The following EPHA6 variants were observed in gnomAD, a reference collection of about 807,000 sequenced individuals.
The protein encoded by EPHA6 is ephrin type-A receptor 6.
Under a neutral mutation model 112.0 loss-of-function variants are expected in EPHA6, and 50 were observed. That is an observed-to-expected ratio of 0.45 (90% CI 0.36 to 0.56). The LOEUF is 0.56. Ranked by LOEUF, EPHA6 falls within the 20% of genes least tolerant of loss-of-function variation. The pLI, the probability that EPHA6 is intolerant of heterozygous loss-of-function variation, is 0.00. For synonymous variants in EPHA6, 529 were observed against 490.7 expected (o/e 1.08, Z -1.03); for missense variants, 1,280 against 1,417.4 (o/e 0.90, Z 1.56).
At chr3:96,882,631 A>T (rs569320343) in intron 2 of EPHA6, among the ~76,000 whole-genome samples, 1 of 151,956 alleles carries the variant, frequency 6.6e-6, no homozygotes, top group Non-Finnish European at 1.5e-5. Context: ...CCATTCCTGC[A>T]TTACTTCACT....
intron 3 of EPHA6, among the ~76,000 whole-genome samples, chr3:97,052,215 T>C (rs2045705659): frequency 6.6e-6 from 1 of 152,076 alleles, no homozygotes; most frequent in Non-Finnish European, 1.5e-5. Context: ...TATACTCTAT[T>C]TCCCCCATGC....
At chr3:97,050,060 CAG>C (rs1169254469) in intron 3 of EPHA6, among the ~76,000 whole-genome samples, 1 of 152,146 alleles carries the variant, frequency 6.6e-6, no homozygotes, top group Non-Finnish European at 1.5e-5. Context: ...AGCTATCAGA[CAG>C]AAGACAAGTT....
intron 11 of EPHA6, among the ~76,000 whole-genome samples, chr3:97,548,822 A>T (rs2092992559): frequency 6.6e-6 from 1 of 152,242 alleles, no homozygotes; most frequent in African/African-American, 2.4e-5. Flanking sequence ...AAACAATCAC[A>T]TACAGGTTTT....
At chr3:97,092,289 A>C (rs1045697210) in intron 3 of EPHA6, among the ~76,000 whole-genome samples, 2 of 151,928 alleles carry the variant, frequency 1.3e-5, no homozygotes, top group Non-Finnish European at 2.9e-5. Context: ...AGCAATGGGG[A>C]TATCATAGAG....
At chr3:97,005,263 C>T (rs890061734) in intron 3 of EPHA6, among the ~76,000 whole-genome samples, 1 of 151,932 alleles carries the variant, frequency 6.6e-6, no homozygotes, top group Non-Finnish European at 1.5e-5. Flanking sequence ...GAATGTTTTC[C>T]CATTTGTTTA....
At chr3:96,941,593 C>G (rs1323921939) in intron 2 of EPHA6, among the ~76,000 whole-genome samples, 3 of 152,244 alleles carry the variant, frequency 2.0e-5, no homozygotes, top group East Asian at 3.8e-4. Flanking sequence ...CTTCTTCTCT[C>G]AACTCGTCAA....
At chr3:97,517,084 C>T (rs887607539) in intron 10 of EPHA6, among the ~76,000 whole-genome samples, 1 of 151,974 alleles carries the variant, frequency 6.6e-6, no homozygotes, top group Non-Finnish European at 1.5e-5. Context: ...ATGATGGGAT[C>T]GGCGGAAGTG....
intron 3 of EPHA6, among the ~76,000 whole-genome samples, chr3:97,125,533 A>T (rs1469822080): frequency 6.6e-6 from 1 of 152,182 alleles, no homozygotes; most frequent in Non-Finnish European, 1.5e-5. Flanking sequence ...TTGAGAGGAA[A>T]CATGGAGCTG....
intron 14 of EPHA6, among the ~76,000 whole-genome samples, chr3:97,695,891 C>T (rs1313508681): frequency 6.6e-6 from 1 of 152,188 alleles, no homozygotes; most frequent in Non-Finnish European, 1.5e-5. Context: ...CTGAACCAAA[C>T]CAGACATATC....
At chr3:97,498,572 G>C (rs1373138502) in intron 10 of EPHA6, among the ~76,000 whole-genome samples, 1 of 152,142 alleles carries the variant, frequency 6.6e-6, no homozygotes, top group Non-Finnish European at 1.5e-5. Flanking sequence ...TCTTATATTT[G>C]ATGTATTGGC....
chr3:96,974,137 TA>T (rs1464822033), intron 2 of EPHA6, among the ~76,000 whole-genome samples: 1 of 146,776 alleles, frequency 6.8e-6, no homozygotes, highest in Non-Finnish European at 1.5e-5. Context: ...TTATTATACT[TA>T]TAATTATAAA....
intron 14 of EPHA6, among the ~76,000 whole-genome samples, chr3:97,658,170 G>T (rs112684887): frequency 6.6e-5 from 10 of 151,900 alleles, no homozygotes; most frequent in African/African-American, 2.2e-4. Flanking sequence ...TCTATTATAA[G>T]ATAGTTTTTC....
intron 14 of EPHA6, chr3:97,646,146 T>A: frequency 6.5e-7 from 1 of 1,533,564 alleles, no homozygotes; most frequent in South Asian, 1.2e-5. Context: ...CAAAGAGCAA[T>A]CAGAACTGGT....
intron 2 of EPHA6, among the ~76,000 whole-genome samples, chr3:96,916,556 T>A (rs1326967870): frequency 6.6e-6 from 1 of 152,036 alleles, no homozygotes; most frequent in Non-Finnish European, 1.5e-5. Context: ...TTTGTACCAG[T>A]CTAATAGTTT....
intron 2 of EPHA6, among the ~76,000 whole-genome samples, chr3:96,933,437 A>G (rs914992606): frequency 6.6e-6 from 1 of 151,884 alleles, no homozygotes; most frequent in African/African-American, 2.4e-5. Flanking sequence ...ACTTTAGTTT[A>G]ACTATTTTCA....
At chr3:97,260,755 T>TAAC (rs1341170919) in intron 5 of EPHA6, among the ~76,000 whole-genome samples, 1 of 152,226 alleles carries the variant, frequency 6.6e-6, no homozygotes, top group Admixed American at 6.5e-5. Flanking sequence ...CCCTAGGATT[T>TAAC]AACTGCAGGG....
chr3:97,063,942 A>G (rs942025519), intron 3 of EPHA6, among the ~76,000 whole-genome samples: 1 of 152,180 alleles, frequency 6.6e-6, no homozygotes, highest in Non-Finnish European at 1.5e-5. Flanking sequence ...GGAACAATGG[A>G]TTAAAAGGTG....
intron 2 of EPHA6, among the ~76,000 whole-genome samples, chr3:96,881,360 G>A (rs2037302855): frequency 6.6e-6 from 1 of 152,152 alleles, no homozygotes; most frequent in African/African-American, 2.4e-5. Context: ...GAAGATGAAA[G>A]GCTCTTCTTA....
intron 12 of EPHA6, among the ~76,000 whole-genome samples, chr3:97,594,266 G>A (rs1235479265): frequency 6.6e-6 from 1 of 152,188 alleles, no homozygotes; most frequent in East Asian, 1.9e-4. Context: ...TAGCTACTGA[G>A]AATGACAGAA....
Sources: allele counts gnomAD v4.1 joint callset (sites outside exome capture counted in the v4.1 genomes callset), GRCh38; gene constraint gnomAD v4.1.1; transcripts MANE v1.5; gene names NCBI Gene and HGNC (gene_info 2026-07-23, HGNC 2026-07-21).